The following AOPEP variants were observed in gnomAD, a reference collection of about 807,000 sequenced individuals.
AOPEP encodes the protein aminopeptidase O.
A neutral mutation model predicts 98.1 loss-of-function variants in AOPEP; 77 were observed. The ratio of observed to expected loss-of-function variants is 0.78; its 90% CI spans 0.65 to 0.95. AOPEP has a LOEUF of 0.95. Ranked by LOEUF, AOPEP falls within the 40% of genes least tolerant of loss-of-function variation. AOPEP has a pLI of 0.00. For missense variants in AOPEP, 1,024 were observed against 1,024.7 expected, an observed-to-expected ratio of 1.00 and a Z score of 0.01; for synonymous variants, 346 against 365.3, an observed-to-expected ratio of 0.95 and a Z score of 0.60.
the AOPEP span, among the ~76,000 whole-genome samples, chr9:95,138,200 T>A: frequency 6.6e-6 from 1 of 152,206 alleles, no homozygotes; most frequent in African/African-American, 2.4e-5. Flanking sequence ...TGGTAACACT[T>A]GAAGCCAGGG....
intron 5 of AOPEP, among the ~76,000 whole-genome samples, chr9:94,882,101 G>A (rs1309837944): frequency 1.3e-5 from 2 of 152,242 alleles, no homozygotes; most frequent in East Asian, 3.8e-4. Context: ...AGTGAAGGTG[G>A]TTATGGCGGG....
intron 13 of AOPEP, among the ~76,000 whole-genome samples, chr9:95,008,928 AACTC>A (rs1478104558): frequency 6.6e-6 from 1 of 151,852 alleles, no homozygotes; most frequent in African/African-American, 2.4e-5. Flanking sequence ...AAAATGACAA[AACTC>A]ACCTCTTCTA....
rs1314560446 is a variant in AOPEP at position 94,930,003 on chromosome 9, GT to G, written c.1661+1473del. ...GGCAGGCAGGAGCCAGGTCACACGA[GT>G]CTTTCCCCAAGTTCTTCAGAAGCTG... On this transcript the variant is annotated intron_variant, in intron 7 of 16. Coordinates refer to ENST00000375315, the MANE Select transcript of AOPEP (RefSeq NM_001193329.3). This position sits in a 1 kb window ranked among gnomAD's most constrained non-coding sequence, Gnocchi z 4.5. 6.6e-6 allele frequency among the ~76,000 whole-genome samples: 1 copy of G among 152,204 alleles called. No homozygotes were observed.
chr9:94,995,851 C>T (rs2061188489), intron 11 of AOPEP, among the ~76,000 whole-genome samples: 1 of 152,148 alleles, frequency 6.6e-6, no homozygotes, highest in Non-Finnish European at 1.5e-5. Flanking sequence ...TGGTTCTTTT[C>T]CAACTATCAT....
At chr9:95,090,100 G>A (rs1361012500), downstream of AOPEP, among the ~76,000 whole-genome samples, 5 of 152,210 alleles carry the variant, frequency 3.3e-5, no homozygotes, top group Admixed American at 3.3e-4. Flanking sequence ...GGCACTGAAG[G>A]GCCACTGAGG....
In AOPEP at chr9:94,875,350, A is replaced by G. The variant is rs1224650040; in HGVS notation, c.1365-48636A>G. 3.4e-3 allele frequency among the ~76,000 whole-genome samples: 238 copies of G among 70,858 alleles called. 1 individual carries two copies. Among genetic ancestry groups the G allele is most frequent in the Non-Finnish European group, 6.3e-3 (192 of 30,512 alleles). The allele number at this position is 70,858 out of a possible 152,430, so 46.5% of individuals were successfully genotyped here. A position where few individuals can be genotyped will look rare whatever the true frequency, so the allele number is the denominator to read the frequency against. ...TTAACAGAGTTTAATTGAGCAAGAA[A>G]AAAAAAAAAAAAAAAAAAAAAAGAC... is the stretch of plus-strand genomic sequence containing the variant. On this transcript the variant is annotated intron_variant, in intron 5 of 16. Transcript: ENST00000375315.
chr9:94,879,787 G>C (rs1453211629), intron 5 of AOPEP, among the ~76,000 whole-genome samples: 1 of 152,096 alleles, frequency 6.6e-6, no homozygotes, highest in African/African-American at 2.4e-5. Context: ...TTATGAGTTT[G>C]GTAAATCAAA....
At chr9:94,959,270 C>G (rs1466611060) in intron 9 of AOPEP, among the ~76,000 whole-genome samples, 2 of 152,126 alleles carry the variant, frequency 1.3e-5, no homozygotes, top group Non-Finnish European at 2.9e-5. Flanking sequence ...GTCTTGATCT[C>G]CTGATCTCGT....
intron 5 of AOPEP, among the ~76,000 whole-genome samples, chr9:94,814,422 T>C (rs547552711): frequency 1.2e-4 from 18 of 152,338 alleles, no homozygotes; most frequent in African/African-American, 4.3e-4. Flanking sequence ...TGGAGAGACC[T>C]GATACCCAAA....
intron 7 of AOPEP, among the ~76,000 whole-genome samples, chr9:94,934,338 A>G (rs544330591): frequency 9.6e-6 from 1 of 104,124 alleles, no homozygotes; most frequent in East Asian, 2.7e-4. Flanking sequence ...TTTTTTTGAG[A>G]CAGAGTCTGG....
At chr9:95,111,644 C>A in the AOPEP span, 1 of 1,614,138 alleles carries the variant, frequency 6.2e-7, no homozygotes. Flanking sequence ...GGACCTGGAA[C>A]AGAGGCAGAA....
chr9:95,077,692 A>G (rs1194801686), intron 14 of AOPEP, among the ~76,000 whole-genome samples: 1 of 152,000 alleles, frequency 6.6e-6, no homozygotes. Flanking sequence ...AGGAGGGCAG[A>G]GCATCTTTCA....
intron 2 of AOPEP, among the ~76,000 whole-genome samples, chr9:94,767,555 A>G (rs1363400438): frequency 6.6e-6 from 1 of 152,236 alleles, no homozygotes; most frequent in African/African-American, 2.4e-5. Context: ...TCAGATAGTC[A>G]TCTTAGGTCT....
At chr9:95,007,242 C>T (rs1280524694) in intron 13 of AOPEP, among the ~76,000 whole-genome samples, 1 of 152,096 alleles carries the variant, frequency 6.6e-6, no homozygotes, top group Non-Finnish European at 1.5e-5. Flanking sequence ...CCAAAATGCA[C>T]AATGTGCTGT....
Position 94,935,692 on chromosome 9 carries a change from G to T in AOPEP, c.1661+7161G>T, listed in dbSNP as rs1484995799. On this transcript the variant is annotated intron_variant, in intron 7 of 16. Transcript: ENST00000375315. ...GAAGAGTCGCAGAGAGCATGCCAAG[G>T]GCTGGTGTGCACACGGGTGGGGTGT... Among the ~76,000 whole-genome samples the T allele has an allele frequency of 4.6e-5, 7 of 152,136 alleles. 1 individual carries two copies. The East Asian group carries it at 1.2e-3, about 25-fold the overall frequency.
At chr9:95,022,472 G>T (rs779179429) in intron 13 of AOPEP, among the ~76,000 whole-genome samples, 1 of 152,148 alleles carries the variant, frequency 6.6e-6, no homozygotes, top group Non-Finnish European at 1.5e-5. Context: ...TGGGTAGCTG[G>T]GACTACGGGT....
Position 94,773,177 on chromosome 9 carries a change from C to G in AOPEP, c.964+9C>G, listed in dbSNP as rs1397502303. On this transcript the variant is annotated intron_variant, in intron 3 of 16. Coordinates refer to ENST00000375315, the MANE Select transcript of AOPEP (RefSeq NM_001193329.3). ...AACGCAGCTTTGGGAAGGTACTGTA[C>G]ATGTGTTCTTTGCTTATTTATGTAT... The G allele has an allele frequency of 6.2e-7, 1 of 1,608,912 alleles. No homozygotes were observed. The highest frequency in any genetic ancestry group is 8.5e-7 in the Non-Finnish European group (1 of 1,176,810).
chr9:94,755,408 G>A (rs929305374), intron 1 of AOPEP, among the ~76,000 whole-genome samples: 13 of 152,198 alleles, frequency 8.5e-5, no homozygotes, highest in African/African-American at 1.2e-4. Context: ...GTCAGTGAGC[G>A]TTACGTACTT....
At chr9:94,730,332 T>C (rs1263965570) in intron 1 of AOPEP, among the ~76,000 whole-genome samples, 4 of 150,774 alleles carry the variant, frequency 2.7e-5, no homozygotes, top group Non-Finnish European at 5.9e-5. Context: ...TCTTCTTCTG[T>C]CTAGTATAAA....
Sources: allele counts gnomAD v4.1 joint callset (sites outside exome capture counted in the v4.1 genomes callset), GRCh38; gene constraint gnomAD v4.1.1; non-coding constraint Gnocchi (gnomAD v3.1); transcripts MANE v1.5; gene names NCBI Gene and HGNC (gene_info 2026-07-23, HGNC 2026-07-21).